Variants in PTBP3 observed in about 807,000 individuals in gnomAD.
PTBP3 encodes polypyrimidine tract-binding protein 3.
In PTBP3, 20 loss-of-function variants were observed where a neutral mutation model predicts 58.7. The observed-to-expected ratio is 0.34, with a 90% CI of 0.24 to 0.50. The LOEUF is 0.50. Ranked by LOEUF, PTBP3 falls within the 20% of genes least tolerant of loss-of-function variation. The pLI, the probability that PTBP3 is intolerant of heterozygous loss-of-function variation, is 0.98. For missense variants in PTBP3, 509 were observed against 637.2 expected, an observed-to-expected ratio of 0.80 and a Z score of 2.17; for synonymous variants, 185 against 219.8, an observed-to-expected ratio of 0.84 and a Z score of 1.40.
intron 1 of PTBP3, among the ~76,000 whole-genome samples, chr9:112,304,758 A>AT (rs1189293940): frequency 1.1e-4 from 16 of 151,956 alleles, no homozygotes; most frequent in African/African-American, 3.9e-4. Context: ...AGACAGAAAA[A>AT]TTTTTTTTAT....
At chr9:112,332,696 A>G in intron 1 of PTBP3, 1 of 1,508,312 alleles carries the variant, frequency 6.6e-7, no homozygotes, top group Admixed American at 2.0e-5. Context: ...TAGACTCTAA[A>G]TCTTTTTATT....
Position 112,222,808 on chromosome 9 carries a change from G to GT in PTBP3, c.*1042_*1043insA. 1 of 905,572 alleles carries GT rather than the reference G, an allele frequency of 1.1e-6. No homozygotes were observed. 56.1% of individuals were successfully genotyped at this position (905,572 alleles called of 1,614,324 possible). A position where few individuals can be genotyped will look rare whatever the true frequency, so the allele number is the denominator to read the frequency against. On this transcript the variant is annotated 3_prime_UTR_variant, in exon 14 of 14. Coordinates refer to ENST00000374257, the MANE Select transcript of PTBP3 (RefSeq NM_001163788.4). Reference sequence around the variant, plus strand: ...AAGCACATAATAAGGCACATAATAAGAAATTAAGTAAATACACAGTAATTC... The same window carrying GT: ...AAGCACATAATAAGGCACATAATAAGTAAATTAAGTAAATACACAGTAATTC...
intron 1 of PTBP3, among the ~76,000 whole-genome samples, chr9:112,320,291 A>AAAAAAAAAAAATATATATATATAT (rs1411646280): frequency 1.4e-5 from 1 of 73,568 alleles, no homozygotes; most frequent in Admixed American, 1.6e-4. Flanking sequence ...AAAAAAAAAA[A>AAAAAAAAAAAATATATATATATAT]ATATATATAT....
intron 1 of PTBP3, among the ~76,000 whole-genome samples, chr9:112,313,444 G>A (rs558245353): frequency 6.6e-6 from 1 of 152,244 alleles, no homozygotes; most frequent in South Asian, 2.1e-4. Flanking sequence ...GTTTATCCAT[G>A]CCTGGATAAC....
At chr9:112,338,021 A>T (rs1271040504), upstream of PTBP3, among the ~76,000 whole-genome samples, 2 of 152,232 alleles carry the variant, frequency 1.3e-5, no homozygotes, top group East Asian at 3.8e-4. Context: ...CCCAAAACAG[A>T]AACATCTGAA....
At chr9:112,241,062 T>C (rs953171159) in intron 7 of PTBP3, among the ~76,000 whole-genome samples, 1 of 152,084 alleles carries the variant, frequency 6.6e-6, no homozygotes, top group African/African-American at 2.4e-5. Flanking sequence ...AGTTAGAAAG[T>C]TGTAGTAAGC....
At chr9:112,244,742 G>A (rs1014164313) in intron 7 of PTBP3, among the ~76,000 whole-genome samples, 2 of 151,786 alleles carry the variant, frequency 1.3e-5, no homozygotes, top group African/African-American at 2.4e-5. Flanking sequence ...AAGACTGGAA[G>A]ATTCTATTGT....
At chr9:112,364,952 A>C in the PTBP3 span, among the ~76,000 whole-genome samples, 4 of 151,862 alleles carry the variant, frequency 2.6e-5, no homozygotes, top group Non-Finnish European at 5.9e-5. Flanking sequence ...CTCCACCCCC[A>C]CCACAACCCA....
In PTBP3 at chr9:112,220,142, G is replaced by A. The variant is rs544567540; in HGVS notation, c.*3709C>T. 47 of 1,303,228 alleles carry A rather than the reference G, an allele frequency of 3.6e-5. No individual in the cohort carries two copies. In the South Asian group the frequency reaches 5.5e-4, roughly 15 times the overall value. The allele number at this position is 1,303,228 out of a possible 1,614,324, so 80.7% of individuals were successfully genotyped here. Reference sequence around the variant, plus strand: ...GCAGTACACATTAGGTTTTCTAAGGGATAGGTGGGGAAAAACACATGTACT... The same window carrying A: ...GCAGTACACATTAGGTTTTCTAAGGAATAGGTGGGGAAAAACACATGTACT... On this transcript the variant is annotated 3_prime_UTR_variant, in exon 14 of 14. Transcript: ENST00000374257.
chr9:112,368,161 A>G, the PTBP3 span, among the ~76,000 whole-genome samples: 1 of 151,794 alleles, frequency 6.6e-6, no homozygotes, highest in African/African-American at 2.4e-5. Context: ...TGCCTGGCTA[A>G]TTTTTGTATT....
chr9:112,237,302 T>A (rs1178307655), intron 7 of PTBP3, among the ~76,000 whole-genome samples: 1 of 152,292 alleles, frequency 6.6e-6, no homozygotes, highest in Non-Finnish European at 1.5e-5. Flanking sequence ...TGTTAGACAG[T>A]GGATTCATAT....
chr9:112,241,977 T>C (rs1232551834), intron 7 of PTBP3, among the ~76,000 whole-genome samples: 2 of 152,224 alleles, frequency 1.3e-5, no homozygotes, highest in Non-Finnish European at 2.9e-5. Flanking sequence ...TATTCCTTTT[T>C]ATTGCTGAAT....
chr9:112,291,971 G>C (rs1828454270), intron 2 of PTBP3, among the ~76,000 whole-genome samples: 1 of 152,060 alleles, frequency 6.6e-6, no homozygotes, highest in Admixed American at 6.6e-5. Context: ...ATACGTGATG[G>C]GGGTTAATAA....
At chr9:112,317,716 AG>A (rs1829763357) in intron 1 of PTBP3, among the ~76,000 whole-genome samples, 1 of 152,218 alleles carries the variant, frequency 6.6e-6, no homozygotes, top group African/African-American at 2.4e-5. Flanking sequence ...TGGGAGGCCA[AG>A]GTGGGTGGAT....
chr9:112,338,937 A>G, the PTBP3 span, among the ~76,000 whole-genome samples: 2 of 152,176 alleles, frequency 1.3e-5, no homozygotes, highest in African/African-American at 4.8e-5. Context: ...TTGCCAGCCC[A>G]TGCCAAAGTT....
At chr9:112,368,656 T>C in the PTBP3 span, among the ~76,000 whole-genome samples, 8 of 152,298 alleles carry the variant, frequency 5.3e-5, no homozygotes, top group East Asian at 1.3e-3. Flanking sequence ...AAGGGGACAA[T>C]TGATGTTTTC....
chr9:112,376,213 G>A, the PTBP3 span, among the ~76,000 whole-genome samples: 13 of 128,726 alleles, frequency 1.0e-4, no homozygotes, highest in East Asian at 2.6e-3. Context: ...GTGTGTGTGT[G>A]TGTGTGTGTG....
chr9:112,297,810 T>TA (rs200517232), intron 2 of PTBP3, 22 bp downstream of exon 2: 149,464 of 1,115,352 alleles, frequency 0.13, 390 homozygotes, highest in East Asian at 0.23. Context: ...AATCAAATAT[T>TA]AAAAAAAAAA....
intron 10 of PTBP3, 75 bp downstream of exon 10, chr9:112,231,305 T>C: frequency 1.6e-6 from 2 of 1,265,360 alleles, no homozygotes; most frequent in Non-Finnish European, 2.2e-6. Flanking sequence ...AAGTAATCAA[T>C]ACATATTACT....
Sources: gnomAD v4.1 joint callset for allele counts (sites outside exome capture counted in the v4.1 genomes callset) on GRCh38, gnomAD v4.1.1 for gene constraint, MANE v1.5 for transcripts, NCBI Gene and HGNC (gene_info 2026-07-23, HGNC 2026-07-21) for gene names.